Variants in CTNNA2 observed in about 807,000 individuals in gnomAD.
CTNNA2 encodes the protein catenin alpha-2.
A neutral mutation model predicts 101.0 loss-of-function variants in CTNNA2; 42 were observed. That is an observed-to-expected ratio of 0.42 (90% CI 0.32 to 0.54). The LOEUF (loss-of-function observed/expected upper bound fraction) is 0.54, where lower values mean the gene tolerates loss of function less well. Ranked by LOEUF, CTNNA2 falls within the 20% of genes least tolerant of loss-of-function variation. CTNNA2 has a pLI of 0.14. For missense variants in CTNNA2, 871 were observed against 1,223.1 expected (o/e 0.71, Z 4.29); for synonymous variants, 450 against 456.4 (o/e 0.99, Z 0.18).
intron 1 of CTNNA2, among the ~76,000 whole-genome samples, chr2:79,595,838 A>T (rs1046131549): frequency 1.3e-5 from 2 of 151,630 alleles, no homozygotes; most frequent in African/African-American, 4.8e-5. Context: ...GTTTTGCTTA[A>T]ACTTTTTAGA....
intron 4 of CTNNA2, among the ~76,000 whole-genome samples, chr2:79,862,100 A>T (rs1220005419): frequency 6.6e-6 from 1 of 152,246 alleles, no homozygotes; most frequent in African/African-American, 2.4e-5. Flanking sequence ...AGCATGAGCG[A>T]TAGCAGGACA....
intron 2 of CTNNA2, among the ~76,000 whole-genome samples, chr2:79,200,332 C>T (rs977964175): frequency 3.3e-5 from 5 of 150,994 alleles, no homozygotes; most frequent in Admixed American, 6.6e-5. Context: ...TGCAGTGAGC[C>T]GAGATTGCGC....
intron 9 of CTNNA2, among the ~76,000 whole-genome samples, chr2:80,525,440 A>G (rs955762208): frequency 6.6e-6 from 1 of 151,962 alleles, no homozygotes; most frequent in Non-Finnish European, 1.5e-5. Context: ...GGGAGAAATA[A>G]CTACTCTGGT....
upstream of CTNNA2, among the ~76,000 whole-genome samples, chr2:79,512,543 T>G (rs1200893489): frequency 6.6e-6 from 1 of 151,600 alleles, no homozygotes; most frequent in Non-Finnish European, 1.5e-5. Context: ...GGCCCTCCTT[T>G]CCTACTCTGC....
In CTNNA2 at chr2:80,325,572, A is replaced by G. The variant is rs114199936; in HGVS notation, c.1057-67639A>G. ...TGTCACTCACCATAACAAAAGCAGC[A>G]TCAGAGAAATCTTGTTTAAATAACT... is the stretch of plus-strand genomic sequence containing the variant. On this transcript the variant is annotated intron_variant, in intron 7 of 18. Coordinates refer to ENST00000402739, the MANE Select transcript of CTNNA2 (RefSeq NM_001282597.3). Among the ~76,000 whole-genome samples, 553 of 152,352 alleles carry G rather than the reference A, an allele frequency of 3.6e-3. 5 individuals carry two copies. The highest frequency in any genetic ancestry group is 0.013 in the African/African-American group (538 of 41,572).
intron 3 of CTNNA2, among the ~76,000 whole-genome samples, chr2:79,776,339 G>A (rs1673962096): frequency 6.6e-6 from 1 of 152,106 alleles, no homozygotes; most frequent in African/African-American, 2.4e-5. Flanking sequence ...TGGCATGATA[G>A]TGTCTGGGTA....
At chr2:79,946,159 G>C (rs1688479587) in intron 7 of CTNNA2, among the ~76,000 whole-genome samples, 1 of 152,134 alleles carries the variant, frequency 6.6e-6, no homozygotes. Context: ...CCAGGGGAGA[G>C]AACTGAGGCC....
In CTNNA2 at chr2:80,623,738, C is replaced by T. The variant is rs75040178; in HGVS notation, c.2574+4510C>T. On this transcript the variant is annotated intron_variant, in intron 18 of 18. Transcript: ENST00000402739. ...GTAGGTTCTTGGAGTCTGTAATTAA[C>T]TACCCCATCCCACTCCCCAGCACAC... Among the ~76,000 whole-genome samples the T allele has an allele frequency of 3.0e-3, 452 of 152,002 alleles. 5 individuals carry two copies. Among genetic ancestry groups the T allele is most frequent in the African/African-American group, 9.9e-3 (411 of 41,510 alleles).
intron 9 of CTNNA2, among the ~76,000 whole-genome samples, chr2:80,419,927 T>C (rs1281573303): frequency 6.8e-6 from 1 of 147,104 alleles, no homozygotes; most frequent in East Asian, 2.1e-4. Context: ...GGGAGTAAAT[T>C]AAAATTTCTG....
intron 15 of CTNNA2, among the ~76,000 whole-genome samples, chr2:80,603,043 C>T (rs76954554): frequency 7.9e-5 from 12 of 152,138 alleles, no homozygotes; most frequent in East Asian, 1.9e-4. Context: ...TAACCCTACA[C>T]GGTCTGAATA....
chr2:79,416,468 C>G (rs960608236), intron 4 of CTNNA2, among the ~76,000 whole-genome samples: 1 of 151,930 alleles, frequency 6.6e-6, no homozygotes, highest in Non-Finnish European at 1.5e-5. Context: ...GCATCACTGG[C>G]TGTAGACATC....
intron 7 of CTNNA2, among the ~76,000 whole-genome samples, chr2:80,283,305 A>G (rs2149163991): frequency 6.6e-6 from 1 of 152,268 alleles, no homozygotes; most frequent in South Asian, 2.1e-4. Flanking sequence ...ATGTTTGAAC[A>G]CTACCTGGAT....
intron 7 of CTNNA2, among the ~76,000 whole-genome samples, chr2:80,026,672 G>A (rs183388003): frequency 2.0e-5 from 3 of 152,030 alleles, no homozygotes; most frequent in South Asian, 2.1e-4. Flanking sequence ...TCATAATCAC[G>A]GAACTATAAT....
At chr2:80,176,746 A>G (rs1705420482) in intron 7 of CTNNA2, among the ~76,000 whole-genome samples, 1 of 152,128 alleles carries the variant, frequency 6.6e-6, no homozygotes, top group Non-Finnish European at 1.5e-5. Flanking sequence ...GGAGTAGTAA[A>G]CTGATTTTAT....
intron 9 of CTNNA2, among the ~76,000 whole-genome samples, chr2:80,540,708 T>C (rs192441623): frequency 1.3e-5 from 2 of 152,250 alleles, no homozygotes; most frequent in Admixed American, 1.3e-4. Context: ...TTTTTTTCTT[T>C]TTTGGAGATG....
chr2:79,493,813 T>C (rs1040762109), intron 4 of CTNNA2: 1 of 152,286 alleles, frequency 6.6e-6, no homozygotes, highest in Non-Finnish European at 1.5e-5. Flanking sequence ...TTGCCAGAGT[T>C]CTTGCTCTGA....
chr2:80,381,795 C>G (rs1295403924), intron 7 of CTNNA2, among the ~76,000 whole-genome samples: 1 of 152,154 alleles, frequency 6.6e-6, no homozygotes, highest in East Asian at 1.9e-4. Flanking sequence ...ATCCTGCCTC[C>G]TTGTTCCATT....
At chr2:79,247,992 T>C (rs559848410) in intron 2 of CTNNA2, among the ~76,000 whole-genome samples, 3 of 152,224 alleles carry the variant, frequency 2.0e-5, no homozygotes, top group African/African-American at 7.2e-5. Flanking sequence ...TATGAAAAAA[T>C]ATATTTGTGT....
At chr2:80,553,685 T>A (rs190206529) in intron 11 of CTNNA2, among the ~76,000 whole-genome samples, 1 of 152,200 alleles carries the variant, frequency 6.6e-6, no homozygotes, top group East Asian at 1.9e-4. Flanking sequence ...CAGCCGGATG[T>A]GTGATTTTGA....
Sources: allele counts gnomAD v4.1 joint callset (sites outside exome capture counted in the v4.1 genomes callset), GRCh38; gene constraint gnomAD v4.1.1; transcripts MANE v1.5; gene names NCBI Gene and HGNC (gene_info 2026-07-23, HGNC 2026-07-21).